Variants in DLGAP2 observed in about 807,000 individuals in gnomAD.
The protein encoded by DLGAP2 is disks large-associated protein 2.
DLGAP2 carries 26 observed loss-of-function variants against 100.3 expected under a neutral mutation model. The observed-to-expected ratio is 0.26, with a 90% CI of 0.19 to 0.36. The LOEUF (loss-of-function observed/expected upper bound fraction) is 0.36, where lower values mean the gene tolerates loss of function less well. Ranked by LOEUF, DLGAP2 falls within the 10% of genes least tolerant of loss-of-function variation. The probability of loss-of-function intolerance (pLI) is 1.00; values close to 1 mark genes in which losing one functional copy is unlikely to be tolerated. For synonymous variants in DLGAP2, 886 were observed against 630.1 expected, an observed-to-expected ratio of 1.41 and a Z score of -6.08; for missense variants, 1,858 against 1,453.2, an observed-to-expected ratio of 1.28 and a Z score of -4.53.
At chr8:1,444,642 T>TC (rs1429747092) in intron 3 of DLGAP2, among the ~76,000 whole-genome samples, 1 of 152,088 alleles carries the variant, frequency 6.6e-6, no homozygotes, top group Non-Finnish European at 1.5e-5. Flanking sequence ...GGGTCTTCTT[T>TC]CCCCATTTCC....
chr8:1,471,493 A>G (rs982538077), intron 3 of DLGAP2, among the ~76,000 whole-genome samples: 8 of 150,814 alleles, frequency 5.3e-5, no homozygotes, highest in Non-Finnish European at 1.2e-4. Context: ...AGGCCTGTGC[A>G]CCATGGCCAA....
chr8:1,449,217 A>G (rs1424198427), intron 3 of DLGAP2, among the ~76,000 whole-genome samples: 2 of 152,132 alleles, frequency 1.3e-5, no homozygotes, highest in African/African-American at 4.8e-5. Context: ...TGAGCCTCCT[A>G]TTGCCAGGGA....
At chr8:750,814 G>C (rs193262151) in intron 1 of DLGAP2, among the ~76,000 whole-genome samples, 1 of 152,326 alleles carries the variant, frequency 6.6e-6, no homozygotes, top group East Asian at 1.9e-4. Flanking sequence ...TATTTCAAAA[G>C]GCCTAATGGG....
intron 8 of DLGAP2, among the ~76,000 whole-genome samples, chr8:1,635,599 A>G (rs984602244): frequency 2.0e-5 from 3 of 152,314 alleles, no homozygotes; most frequent in East Asian, 1.9e-4. Flanking sequence ...AAATAATTCC[A>G]AAGAGTTATT....
At chr8:1,110,549 T>A (rs1804921393) in intron 2 of DLGAP2, among the ~76,000 whole-genome samples, 1 of 150,774 alleles carries the variant, frequency 6.6e-6, no homozygotes. Flanking sequence ...ATAGGGTGGG[T>A]GAGGTGTGCA....
chr8:1,339,953 G>C (rs1801381207), intron 3 of DLGAP2, among the ~76,000 whole-genome samples: 1 of 152,204 alleles, frequency 6.6e-6, no homozygotes, highest in African/African-American at 2.4e-5. Context: ...TCGTGATCTT[G>C]CTTAAATGTA....
chr8:1,260,843 C>G (rs1799332674), intron 3 of DLGAP2, among the ~76,000 whole-genome samples: 2 of 152,224 alleles, frequency 1.3e-5, no homozygotes, highest in African/African-American at 4.8e-5. Context: ...GGGAGGTGAT[C>G]TGGCCCCATC....
At position 1,233,084 on chromosome 8, in the gene DLGAP2, C is replaced by T. The variant is rs1798571233; in HGVS notation, c.74-25767C>T. ...CACTTAGCACCACGTGTTCAAGTTT[C>T]ATCCATGTGGTAGCAGTGCCAGCGC... On this transcript the variant is annotated intron_variant, in intron 2 of 14. Coordinates refer to ENST00000637795, the MANE Select transcript of DLGAP2 (RefSeq NM_001346810.2). 5.3e-5 allele frequency among the ~76,000 whole-genome samples: 8 copies of T among 152,312 alleles called. No homozygotes were observed. In the South Asian group the frequency reaches 1.7e-3, roughly 32 times the overall value.
At chr8:1,421,566 A>G (rs534491111) in intron 3 of DLGAP2, among the ~76,000 whole-genome samples, 55 of 152,342 alleles carry the variant, frequency 3.6e-4, no homozygotes, top group African/African-American at 1.2e-3. Context: ...AAAGTTATGA[A>G]TATTATGAAA....
intron 3 of DLGAP2, among the ~76,000 whole-genome samples, chr8:1,280,081 T>C (rs1799786427): frequency 6.6e-6 from 1 of 152,180 alleles, no homozygotes; most frequent in South Asian, 2.1e-4. Context: ...GTTTTGAGCT[T>C]TGTGGTATGT....
intron 3 of DLGAP2, among the ~76,000 whole-genome samples, chr8:1,282,865 C>T (rs1799844190): frequency 8.6e-6 from 1 of 115,710 alleles, no homozygotes; most frequent in African/African-American, 3.5e-5. Context: ...GTGGTGTGAC[C>T]TGAACCCAGC....
chr8:1,272,960 C>T (rs1003316216), intron 3 of DLGAP2, among the ~76,000 whole-genome samples: 6 of 152,114 alleles, frequency 3.9e-5, no homozygotes, highest in South Asian at 4.1e-4. Context: ...GGTTATGGAA[C>T]CTGGGAAGGA....
chr8:872,213 ATTT>A (rs1340696664), intron 1 of DLGAP2, among the ~76,000 whole-genome samples: 1 of 151,866 alleles, frequency 6.6e-6, no homozygotes, highest in African/African-American at 2.4e-5. Context: ...ATTAAATTAT[ATTT>A]TTTTATTATT....
chr8:1,507,737 G>A (rs1353151017), intron 4 of DLGAP2, among the ~76,000 whole-genome samples: 4 of 140,784 alleles, frequency 2.8e-5, no homozygotes, highest in African/African-American at 6.1e-5. Context: ...CCAGGCATTC[G>A]TTCACCCAGG....
At chr8:744,183 G>T (rs966725279) in intron 1 of DLGAP2, among the ~76,000 whole-genome samples, 6 of 152,104 alleles carry the variant, frequency 3.9e-5, no homozygotes. Context: ...AGAAGTGCTC[G>T]TTCGCTCAGC....
At chr8:945,161 T>G (rs1799288791) in intron 2 of DLGAP2, among the ~76,000 whole-genome samples, 1 of 152,212 alleles carries the variant, frequency 6.6e-6, no homozygotes, top group Non-Finnish European at 1.5e-5. Context: ...TGACTTTTGT[T>G]TTTATTTTTC....
intron 14 of DLGAP2, among the ~76,000 whole-genome samples, chr8:1,700,900 G>C (rs1409582389): frequency 6.6e-6 from 1 of 152,254 alleles, no homozygotes; most frequent in African/African-American, 2.4e-5. Context: ...CTGCAGAGAC[G>C]CAAGGTGCGA....
intron 1 of DLGAP2, among the ~76,000 whole-genome samples, chr8:898,490 C>T (rs1473988276): frequency 6.6e-6 from 1 of 152,212 alleles, no homozygotes; most frequent in Non-Finnish European, 1.5e-5. Context: ...GCCCATGCAG[C>T]GTCTGGTTCC....
intron 1 of DLGAP2, among the ~76,000 whole-genome samples, chr8:755,226 A>G (rs1461677587): frequency 6.6e-6 from 1 of 152,152 alleles, no homozygotes; most frequent in African/African-American, 2.4e-5. Context: ...TGGGAGGCCA[A>G]GGTGGGTGAA....
Sources: gnomAD v4.1 joint callset for allele counts (sites outside exome capture counted in the v4.1 genomes callset) on GRCh38, gnomAD v4.1.1 for gene constraint, MANE v1.5 for transcripts, NCBI Gene and HGNC (gene_info 2026-07-23, HGNC 2026-07-21) for gene names.